The following MDGA2 variants were observed in gnomAD, a reference collection of about 807,000 sequenced individuals.
The protein encoded by MDGA2 is MAM domain containing glycosylphosphatidylinositol anchor 2.
A neutral mutation model predicts 117.8 loss-of-function variants in MDGA2; 40 were observed. That is an observed-to-expected ratio of 0.34 (90% confidence interval 0.26 to 0.44). The LOEUF (loss-of-function observed/expected upper bound fraction) is 0.44, where lower values mean the gene tolerates loss of function less well. MDGA2 is among the 20% of genes least tolerant of loss of function. MDGA2 has a pLI of 1.00. For synonymous variants in MDGA2, 452 were observed against 439.0 expected (o/e 1.03, Z -0.37); for missense variants, 1,123 against 1,250.6 (o/e 0.90, Z 1.54).
rs536923185 is a variant in MDGA2 at position 47,588,237 on chromosome 14, GATATAT to G, written c.280+86274_280+86279del. On this transcript the variant is annotated intron_variant, in intron 1 of 16. Coordinates refer to ENST00000399232, the MANE Select transcript of MDGA2 (RefSeq NM_001113498.3). ...TTTTCAAATCTCTTGGAGATAGATA[GATATAT>G]ATATATATATATATATATACACACA... Among the ~76,000 whole-genome samples the G allele has an allele frequency of 2.9e-3, 362 of 123,880 alleles. 6 individuals carry two copies. The highest frequency in any genetic ancestry group is 0.01 in the African/African-American group (325 of 31,952). 81.3% of individuals were successfully genotyped at this position (123,880 alleles called of 152,430 possible).
intron 1 of MDGA2, among the ~76,000 whole-genome samples, chr14:47,531,046 C>A (rs567765541): frequency 1.3e-5 from 2 of 152,206 alleles, no homozygotes; most frequent in South Asian, 4.1e-4. Context: ...GAGATTGAGA[C>A]CATCCTGGCT....
intron 6 of MDGA2, among the ~76,000 whole-genome samples, chr14:47,094,659 G>C (rs948453827): frequency 3.3e-5 from 5 of 151,968 alleles, no homozygotes; most frequent in African/African-American, 1.2e-4. Context: ...AGATGTTGCA[G>C]TACTTTAATA....
chr14:47,185,054 A>G (rs1884856566), intron 3 of MDGA2, among the ~76,000 whole-genome samples: 1 of 151,266 alleles, frequency 6.6e-6, no homozygotes, highest in South Asian at 2.1e-4. Flanking sequence ...ACTTGATAAT[A>G]AAAGATAAAC....
chr14:47,659,176 C>A (rs886617640), intron 1 of MDGA2, among the ~76,000 whole-genome samples: 7 of 152,152 alleles, frequency 4.6e-5, no homozygotes, highest in African/African-American at 1.7e-4. Context: ...AGATTATGAC[C>A]AAACTAACAC....
chr14:47,411,940 G>T (rs1385620109), intron 1 of MDGA2, among the ~76,000 whole-genome samples: 1 of 152,178 alleles, frequency 6.6e-6, no homozygotes, highest in Non-Finnish European at 1.5e-5. Flanking sequence ...ACATTGAAAA[G>T]TAGTCACTCT....
At chr14:47,049,152 C>CCATGGTAAA (rs1889365515) in intron 7 of MDGA2, among the ~76,000 whole-genome samples, 2 of 152,056 alleles carry the variant, frequency 1.3e-5, no homozygotes, top group Non-Finnish European at 2.9e-5. Context: ...GTTTCATTTA[C>CCATGGTAAA]AGTGGACTGT....
chr14:46,941,521 G>A (rs186848108), intron 9 of MDGA2, among the ~76,000 whole-genome samples: 1 of 152,148 alleles, frequency 6.6e-6, no homozygotes, highest in Admixed American at 6.5e-5. Context: ...CATTCCTTCA[G>A]GGTGAAGGAC....
chr14:47,243,651 C>T (rs1053998249), intron 2 of MDGA2, among the ~76,000 whole-genome samples: 4 of 151,456 alleles, frequency 2.6e-5, no homozygotes, highest in African/African-American at 9.7e-5. Context: ...CCAGCGAGAC[C>T]ACGAACCCAC....
At chr14:47,204,146 T>C (rs1885602578) in intron 3 of MDGA2, among the ~76,000 whole-genome samples, 1 of 151,996 alleles carries the variant, frequency 6.6e-6, no homozygotes, top group Non-Finnish European at 1.5e-5. Context: ...CTGGAGTCAT[T>C]CCACTTTGTT....
intron 1 of MDGA2, among the ~76,000 whole-genome samples, chr14:47,498,493 A>G (rs924953307): frequency 6.6e-6 from 1 of 152,126 alleles, no homozygotes; most frequent in Non-Finnish European, 1.5e-5. Flanking sequence ...TCCTCATTCT[A>G]ATCTACTGTT....
rs1011275708 is a variant in MDGA2, at chr14:47,644,991, C to A, written c.280+29526G>T. On this transcript the variant is annotated intron_variant, in intron 1 of 16. Transcript: ENST00000399232. ...GCCATGAGCTAAGGAATGCAGGCAG[C>A]CACTAGAAGCTGGAAAAGGCAAGGA... Among the ~76,000 whole-genome samples the A allele has an allele frequency of 7.2e-5, 11 of 152,060 alleles. No individual in the cohort carries two copies. In the East Asian group the frequency reaches 2.1e-3, roughly 29 times the overall value.
intron 1 of MDGA2, among the ~76,000 whole-genome samples, chr14:47,354,475 C>T (rs1034895164): frequency 2.0e-5 from 3 of 152,054 alleles, no homozygotes; most frequent in Non-Finnish European, 4.4e-5. Context: ...TGCTAAAAAC[C>T]CCACCCAGGG....
At chr14:46,981,894 A>C (rs945527510) in intron 8 of MDGA2, among the ~76,000 whole-genome samples, 1 of 152,216 alleles carries the variant, frequency 6.6e-6, no homozygotes, top group Non-Finnish European at 1.5e-5. Context: ...ACAGAGGTGA[A>C]TGATTCTACA....
intron 1 of MDGA2, among the ~76,000 whole-genome samples, chr14:47,423,430 A>G (rs1220501027): frequency 6.6e-6 from 1 of 152,160 alleles, no homozygotes; most frequent in Non-Finnish European, 1.5e-5. Flanking sequence ...TGTTCACCTA[A>G]TTTAATCATC....
intron 3 of MDGA2, among the ~76,000 whole-genome samples, chr14:47,183,697 A>T (rs555220503): frequency 6.6e-6 from 1 of 152,190 alleles, no homozygotes; most frequent in South Asian, 2.1e-4. Flanking sequence ...AAACACATAC[A>T]TATGCATAGC....
In MDGA2 at chr14:47,571,752, C is replaced by T. The variant is rs1020681882; in HGVS notation, c.280+102765G>A. ...GGGAACATCACACAGTGGGGCCTGT[C>T]GGGGGGCGGTCGGGGGATAGGGGAG... On this transcript the variant is annotated intron_variant, in intron 1 of 16. Coordinates refer to ENST00000399232, the MANE Select transcript of MDGA2 (RefSeq NM_001113498.3). 1.9e-4 allele frequency among the ~76,000 whole-genome samples: 5 copies of T among 26,436 alleles called. No individual in the cohort carries two copies. The East Asian group carries it at 5.3e-3, about 28-fold the overall frequency. The allele number at this position is 26,436 out of a possible 152,430, so 17.3% of individuals were successfully genotyped here. A position where few individuals can be genotyped will look rare whatever the true frequency, so the allele number is the denominator to read the frequency against.
At chr14:47,142,432 G>C (rs1311330924) in intron 4 of MDGA2, among the ~76,000 whole-genome samples, 1 of 148,998 alleles carries the variant, frequency 6.7e-6, no homozygotes, top group African/African-American at 2.5e-5. Context: ...GACAGAGCAA[G>C]GCTCCATCTC....
chr14:47,248,624 T>G (rs1009132072), intron 2 of MDGA2, among the ~76,000 whole-genome samples: 1 of 146,160 alleles, frequency 6.8e-6, no homozygotes, highest in Non-Finnish European at 1.6e-5. Context: ...GCAAACTATA[T>G]TGTCTGGGTT....
intron 6 of MDGA2, among the ~76,000 whole-genome samples, chr14:47,077,747 T>C (rs1890548059): frequency 6.6e-6 from 1 of 151,844 alleles, no homozygotes; most frequent in South Asian, 2.1e-4. Flanking sequence ...TATTTTACAA[T>C]GGTAAGTCAT....
Sources: allele counts gnomAD v4.1 joint callset (sites outside exome capture counted in the v4.1 genomes callset), GRCh38; gene constraint gnomAD v4.1.1; transcripts MANE v1.5; gene names NCBI Gene and HGNC (gene_info 2026-07-23, HGNC 2026-07-21).